RTL4: variants seen among roughly 807,000 people sequenced by gnomAD.
The protein encoded by RTL4 is retrotransposon Gag like 4, also known as retrotransposon Gag-like protein 4.
In RTL4, 4 loss-of-function variants were observed where a neutral mutation model predicts 5.3. That is an observed-to-expected ratio of 0.75 (90% CI 0.37 to 1.72). RTL4 has a LOEUF of 1.72. Among genes scored for constraint, RTL4 ranks in the 40% most tolerant of loss-of-function variants. The pLI is 0.04. For missense variants in RTL4, 260 were observed against 227.1 expected (o/e 1.14, Z -0.93); for synonymous variants, 98 against 87.3 (o/e 1.12, Z -0.68).
At chrX:112,185,608 G>A in the RTL4 span, among the ~76,000 whole-genome samples, 1 of 106,413 alleles carries the variant, frequency 9.4e-6, no homozygotes, top group African/African-American at 3.4e-5. Flanking sequence ...TAGTATGGTG[G>A]TTAATCTCTC....
the RTL4 span, among the ~76,000 whole-genome samples, chrX:112,377,545 A>G: frequency 3.6e-5 from 4 of 111,950 alleles, no homozygotes; most frequent in Non-Finnish European, 5.6e-5. Flanking sequence ...TCTAAGTACA[A>G]TTTCTACTGA....
At chrX:112,426,030 C>T in the RTL4 span, among the ~76,000 whole-genome samples, 1 of 111,383 alleles carries the variant, frequency 9.0e-6, no homozygotes, top group Non-Finnish European at 1.9e-5. Flanking sequence ...AGGTTTTCTC[C>T]TATATTGTCT....
chrX:112,405,928 A>T, the RTL4 span, among the ~76,000 whole-genome samples: 1 of 110,564 alleles, frequency 9.0e-6, no homozygotes, highest in African/African-American at 3.3e-5. Flanking sequence ...GGGAGGGGAG[A>T]ATTCAGCAAC....
the RTL4 span, among the ~76,000 whole-genome samples, chrX:112,357,099 A>G: frequency 1.8e-5 from 2 of 111,551 alleles, no homozygotes; most frequent in African/African-American, 6.5e-5. Context: ...AGTACGGCTC[A>G]CTGGAACAGA....
chrX:112,141,203 G>A, the RTL4 span, among the ~76,000 whole-genome samples: 42 of 111,091 alleles, frequency 3.8e-4, no homozygotes, highest in African/African-American at 1.3e-3. Flanking sequence ...TTCTATTTTT[G>A]TTTCAGTTTA....
At chrX:112,301,796 TA>T in the RTL4 span, among the ~76,000 whole-genome samples, 6 of 107,632 alleles carry the variant, frequency 5.6e-5, no homozygotes, top group East Asian at 8.8e-4. Flanking sequence ...GCCCTGTCTT[TA>T]AAAAAAAATG....
chrX:112,098,814 G>A, the RTL4 span, among the ~76,000 whole-genome samples: 1 of 111,857 alleles, frequency 8.9e-6, no homozygotes, highest in Non-Finnish European at 1.9e-5. Context: ...ATGGTGCTGG[G>A]AAAACTGGCT....
chrX:112,177,381 A>AG, the RTL4 span, among the ~76,000 whole-genome samples: 2 of 111,073 alleles, frequency 1.8e-5, no homozygotes, highest in East Asian at 5.7e-4. Flanking sequence ...GACTGGGGTG[A>AG]GGTCATACCC....
At chrX:112,348,526 C>T in the RTL4 span, among the ~76,000 whole-genome samples, 265 of 109,938 alleles carry the variant, frequency 2.4e-3, 1 homozygote, top group African/African-American at 7.9e-3. Flanking sequence ...ACAGAAGGAA[C>T]AAACCACATA....
chrX:112,327,701 T>C, the RTL4 span, among the ~76,000 whole-genome samples: 18 of 110,222 alleles, frequency 1.6e-4, no homozygotes, highest in African/African-American at 5.6e-4. Flanking sequence ...AGACACATAA[T>C]TGTCAGATTC....
chrX:112,135,997 A>G, the RTL4 span, among the ~76,000 whole-genome samples: 2 of 109,197 alleles, frequency 1.8e-5, no homozygotes, highest in Non-Finnish European at 3.8e-5. Flanking sequence ...TTTTAGCTTT[A>G]TAAAGGGTCT....
At chrX:112,212,246 G>A in the RTL4 span, among the ~76,000 whole-genome samples, 6 of 111,159 alleles carry the variant, frequency 5.4e-5, no homozygotes, top group East Asian at 5.7e-4. Flanking sequence ...GCATGGTGGC[G>A]GGCGCCTGTA....
At chrX:112,337,057 G>C in the RTL4 span, among the ~76,000 whole-genome samples, 2 of 111,640 alleles carry the variant, frequency 1.8e-5, no homozygotes, top group African/African-American at 6.5e-5. Flanking sequence ...CACAAAAACA[G>C]GTAGCAGGCC....
the RTL4 span, among the ~76,000 whole-genome samples, chrX:112,420,991 CT>C: frequency 1.8e-5 from 2 of 111,270 alleles, no homozygotes; most frequent in South Asian, 3.8e-4. Context: ...AGGCTTTCAC[CT>C]TTTTTTTAAT....
At chrX:112,263,815 T>C in the RTL4 span, among the ~76,000 whole-genome samples, 4 of 111,963 alleles carry the variant, frequency 3.6e-5, no homozygotes, top group Non-Finnish European at 7.5e-5. Context: ...ATGGATGTAT[T>C]AATTACTTTG....
At chrX:112,169,064 CTTTCTTTTTTCTTTCTTTCTTTTCTTTCT>C in the RTL4 span, among the ~76,000 whole-genome samples, 5 of 26,019 alleles carry the variant, frequency 1.9e-4, no homozygotes, top group African/African-American at 5.2e-4. Flanking sequence ...TTCTTTCTTT[CTTTCTTTTTTCTTTCTTTCTTTTCTTTCT>C]TTCTTTCTTT....
the RTL4 span, among the ~76,000 whole-genome samples, chrX:112,314,450 T>C: frequency 9.3e-6 from 1 of 107,767 alleles, no homozygotes; most frequent in Admixed American, 1.0e-4. Context: ...ACCTATATAA[T>C]GGGCAAAAGG....
At chrX:112,439,979 G>T in the RTL4 span, among the ~76,000 whole-genome samples, 1 of 111,321 alleles carries the variant, frequency 9.0e-6, no homozygotes, top group Non-Finnish European at 1.9e-5. Context: ...AACACAAATG[G>T]ACTAAAACAC....
the RTL4 span, among the ~76,000 whole-genome samples, chrX:112,162,172 T>C: frequency 4.2e-4 from 46 of 109,989 alleles, no homozygotes; most frequent in African/African-American, 1.4e-3. Context: ...CTAAACCTAG[T>C]TTAATGACAA....
Sources: allele counts gnomAD v4.1 joint callset (sites outside exome capture counted in the v4.1 genomes callset), GRCh38; gene constraint gnomAD v4.1.1; transcripts MANE v1.5; gene names NCBI Gene and HGNC (gene_info 2026-07-23, HGNC 2026-07-21).